LINGO2: variants seen among roughly 807,000 people sequenced by gnomAD.
LINGO2 encodes leucine-rich repeat and immunoglobulin-like domain-containing nogo receptor-interacting protein 2.
In LINGO2, 14 loss-of-function variants were observed where a neutral mutation model predicts 30.6. The ratio of observed to expected loss-of-function variants is 0.46; its 90% CI spans 0.30 to 0.72. The LOEUF (loss-of-function observed/expected upper bound fraction) is 0.72, where lower values mean the gene tolerates loss of function less well. Among genes scored for constraint, LINGO2 ranks in the 30% least tolerant of loss-of-function variants. The pLI is 0.07. For missense variants in LINGO2, 729 were observed against 751.7 expected, an observed-to-expected ratio of 0.97 and a Z score of 0.35; for synonymous variants, 317 against 288.5, an observed-to-expected ratio of 1.10 and a Z score of -1.00.
the LINGO2 span, among the ~76,000 whole-genome samples, chr9:29,120,912 T>TA: frequency 6.6e-6 from 1 of 152,136 alleles, no homozygotes; most frequent in African/African-American, 2.4e-5. Context: ...AAATGGTGTA[T>TA]AATAAGTGGT....
intron 4 of LINGO2, among the ~76,000 whole-genome samples, chr9:28,103,992 GC>G (rs1826494623): frequency 6.6e-6 from 1 of 151,990 alleles, no homozygotes; most frequent in South Asian, 2.1e-4. Flanking sequence ...ATTAAAGGGT[GC>G]TTTTAATAGC....
intron 2 of LINGO2, among the ~76,000 whole-genome samples, chr9:28,396,005 C>T (rs1201936573): frequency 6.6e-6 from 1 of 152,038 alleles, no homozygotes; most frequent in East Asian, 1.9e-4. Context: ...TAGGAGTATC[C>T]ATTGGGCAGA....
chr9:28,989,528 A>C, the LINGO2 span, among the ~76,000 whole-genome samples: 2 of 152,186 alleles, frequency 1.3e-5, no homozygotes, highest in Non-Finnish European at 2.9e-5. Flanking sequence ...TTGATTGCCT[A>C]GGATATTCCA....
At chr9:28,610,845 C>T (rs1377558770) in intron 1 of LINGO2, among the ~76,000 whole-genome samples, 1 of 152,184 alleles carries the variant, frequency 6.6e-6, no homozygotes, top group African/African-American at 2.4e-5. Flanking sequence ...ACTTTCTCCA[C>T]ATCTTTAGTA....
At chr9:29,208,630 A>C in the LINGO2 span, among the ~76,000 whole-genome samples, 1 of 152,104 alleles carries the variant, frequency 6.6e-6, no homozygotes, top group African/African-American at 2.4e-5. Context: ...CAAGCGCTAC[A>C]TTTACTTGGC....
At chr9:29,078,768 T>C in the LINGO2 span, among the ~76,000 whole-genome samples, 2 of 151,988 alleles carry the variant, frequency 1.3e-5, no homozygotes, top group South Asian at 2.1e-4. Flanking sequence ...AATAGACATA[T>C]GGCTTCTGTG....
the LINGO2 span, among the ~76,000 whole-genome samples, chr9:29,083,322 C>G: frequency 1.3e-5 from 2 of 152,050 alleles, no homozygotes; most frequent in Non-Finnish European, 2.9e-5. Context: ...TCTCAGCAAA[C>G]TATCACAAGG....
chr9:28,236,431 G>GT (rs543473386), intron 4 of LINGO2, among the ~76,000 whole-genome samples: 14 of 152,220 alleles, frequency 9.2e-5, no homozygotes, highest in Admixed American at 2.6e-4. Context: ...ACGCGGAATA[G>GT]TTTAACACAG....
the LINGO2 span, among the ~76,000 whole-genome samples, chr9:28,909,148 G>A: frequency 6.6e-6 from 1 of 151,848 alleles, no homozygotes; most frequent in African/African-American, 2.4e-5. Context: ...ACCCGATTAT[G>A]CAACTCTCTT....
intron 4 of LINGO2, among the ~76,000 whole-genome samples, chr9:28,061,971 A>C (rs1038592411): frequency 1.3e-5 from 2 of 152,112 alleles, no homozygotes; most frequent in Admixed American, 6.6e-5. Context: ...ATAATGATGA[A>C]ATATATGTTT....
At chr9:28,490,154 A>C (rs1233860272) in intron 1 of LINGO2, among the ~76,000 whole-genome samples, 1 of 152,104 alleles carries the variant, frequency 6.6e-6, no homozygotes, top group African/African-American at 2.4e-5. Flanking sequence ...GGTGGTTAAA[A>C]CTTCTAGGTA....
chr9:28,178,369 TATATAAATGAA>T lies in LINGO2; in HGVS notation c.-87+116828_-87+116838del, dbSNP rs1453521232. On this transcript the variant is annotated intron_variant, in intron 4 of 5. Coordinates refer to ENST00000379992, the Ensembl canonical transcript of LINGO2. The stretch of plus-strand genomic sequence containing the variant: ...AGTAAACTTGGAACATGAAATGACT[TATATAAATGAA>T]ATATACATTCAAAATATACATCAAC... 1.1e-4 allele frequency among the ~76,000 whole-genome samples: 16 copies of T among 152,268 alleles called. No homozygotes were observed. The East Asian group carries it at 2.5e-3, about 24-fold the overall frequency.
intron 4 of LINGO2, among the ~76,000 whole-genome samples, chr9:28,048,964 G>T (rs901435059): frequency 6.6e-6 from 1 of 150,616 alleles, no homozygotes; most frequent in African/African-American, 2.5e-5. Context: ...AATATAAAAG[G>T]CAAAAAGTAC....
the LINGO2 span, among the ~76,000 whole-genome samples, chr9:29,073,711 G>A: frequency 2.6e-5 from 4 of 152,226 alleles, no homozygotes; most frequent in Admixed American, 2.0e-4. Context: ...ACAGAAAAGA[G>A]ATTCCAACTC....
chr9:29,210,125 C>T, the LINGO2 span, among the ~76,000 whole-genome samples: 1 of 152,150 alleles, frequency 6.6e-6, no homozygotes, highest in African/African-American at 2.4e-5. Flanking sequence ...CATGAAGTTG[C>T]AGAGGACTCA....
chr9:28,125,632 G>T (rs1031210498), intron 4 of LINGO2, among the ~76,000 whole-genome samples: 6 of 152,114 alleles, frequency 3.9e-5, no homozygotes, highest in Admixed American at 3.9e-4. Context: ...AGAGGTTTCA[G>T]TTCCAGATCA....
the LINGO2 span, among the ~76,000 whole-genome samples, chr9:29,067,755 GAA>G: frequency 2.1e-3 from 258 of 124,500 alleles, no homozygotes; most frequent in South Asian, 8.7e-3. Context: ...GTATTTAAAT[GAA>G]AAAAAAAAAA....
chr9:28,861,968 C>A, the LINGO2 span, among the ~76,000 whole-genome samples: 5 of 152,074 alleles, frequency 3.3e-5, no homozygotes, highest in Non-Finnish European at 7.4e-5. Flanking sequence ...TAAAAATTAT[C>A]TTAAGAAAAA....
chr9:28,461,862 T>C (rs1460954984), intron 2 of LINGO2, among the ~76,000 whole-genome samples: 1 of 152,160 alleles, frequency 6.6e-6, no homozygotes, highest in Non-Finnish European at 1.5e-5. Flanking sequence ...GTGACAGCTC[T>C]ACATATTTAT....
Sources: allele counts gnomAD v4.1 joint callset (sites outside exome capture counted in the v4.1 genomes callset), GRCh38; gene constraint gnomAD v4.1.1; transcripts MANE v1.5; gene names NCBI Gene and HGNC (gene_info 2026-07-23, HGNC 2026-07-21).